The following LYRM4 variants were observed in gnomAD, a reference collection of about 807,000 sequenced individuals.
LYRM4 encodes the protein LYR motif-containing protein 4.
LYRM4 carries 9 observed loss-of-function variants against 11.7 expected under a neutral mutation model. The observed-to-expected ratio is 0.77, with a 90% CI of 0.46 to 1.34. LYRM4 has a LOEUF of 1.34. Among genes scored for constraint, LYRM4 ranks in the 40% most tolerant of loss-of-function variants. The pLI is 0.00. For synonymous variants in LYRM4, 42 were observed against 40.4 expected, an observed-to-expected ratio of 1.04 and a Z score of -0.15; for missense variants, 133 against 112.5, an observed-to-expected ratio of 1.18 and a Z score of -0.82.
chr6:5,245,156 AT>A lies in LYRM4; in HGVS notation c.86+15491del, dbSNP rs1561899220. ...TATATATATATATATATATATATATATATATATAAAATAGGTGAATTTCTGG... is the reference window on the plus strand; with the variant it reads ...TATATATATATATATATATATATATAATATATAAAATAGGTGAATTTCTGG... On this transcript the variant is annotated intron_variant, in intron 1 of 2. Coordinates refer to ENST00000330636, the MANE Select transcript of LYRM4 (RefSeq NM_020408.6). 1.4e-3 allele frequency among the ~76,000 whole-genome samples: 140 copies of A among 102,306 alleles called. 2 individuals carry two copies. Among genetic ancestry groups the A allele is most frequent in the South Asian group, 2.9e-3 (8 of 2,782 alleles). 67.1% of individuals were successfully genotyped at this position (102,306 alleles called of 152,430 possible).
At chr6:5,143,218 A>AGTGCAGTCTGATGCCGT (rs58528949) in intron 2 of LYRM4, among the ~76,000 whole-genome samples, 6 of 151,826 alleles carry the variant, frequency 4.0e-5, no homozygotes, top group Non-Finnish European at 8.8e-5. Context: ...CTTCTGTGTG[A>AGTGCAGTCTGATGCCGT]GTCAGCACAC....
chr6:5,199,398 G>A (rs1347898556), intron 2 of LYRM4, among the ~76,000 whole-genome samples: 1 of 152,152 alleles, frequency 6.6e-6, no homozygotes, highest in Non-Finnish European at 1.5e-5. Context: ...CACAGCTATA[G>A]GTATGGGGTT....
Position 5,197,058 on chromosome 6 carries a change from A to G in LYRM4, c.207+19560T>C, listed in dbSNP as rs532782395. Among the ~76,000 whole-genome samples, 20 of 152,306 alleles carry G rather than the reference A, an allele frequency of 1.3e-4. 1 individual carries two copies. In the South Asian group the frequency reaches 4.1e-3, roughly 32 times the overall value. ...AATGCTCATCAATACACATCTAACC[A>G]CTGTAACTGTGCAGAGAAATTAGGC... On this transcript the variant is annotated intron_variant, in intron 2 of 2. Coordinates refer to ENST00000330636, the MANE Select transcript of LYRM4 (RefSeq NM_020408.6).
intron 1 of LYRM4, among the ~76,000 whole-genome samples, chr6:5,217,042 T>C (rs1762312871): frequency 6.6e-6 from 1 of 152,218 alleles, no homozygotes; most frequent in Non-Finnish European, 1.5e-5. Context: ...TTTACATGGA[T>C]AATTGAACCT....
chr6:5,190,071 A>G (rs1201355519), intron 2 of LYRM4, among the ~76,000 whole-genome samples: 2 of 152,188 alleles, frequency 1.3e-5, no homozygotes, highest in Non-Finnish European at 2.9e-5. Context: ...GCACAAAGGG[A>G]TTATTTCCTC....
At chr6:5,068,396 G>GC in the LYRM4 span, among the ~76,000 whole-genome samples, 1 of 152,274 alleles carries the variant, frequency 6.6e-6, no homozygotes, top group East Asian at 1.9e-4. The surrounding 1 kb of genome is among the most constrained non-coding windows in gnomAD (Gnocchi z 4.0). Flanking sequence ...AGAGCCATGG[G>GC]CCACTGTTTA....
the LYRM4 span, among the ~76,000 whole-genome samples, chr6:5,059,833 C>T: frequency 1.3e-5 from 2 of 150,646 alleles, no homozygotes; most frequent in African/African-American, 4.9e-5. Context: ...AGGGGTCTTG[C>T]TCTGTTGCCC....
chr6:5,094,335 T>C, the LYRM4 span, among the ~76,000 whole-genome samples: 66,639 of 151,718 alleles, frequency 0.44, 16,053 homozygotes, highest in African/African-American at 0.65. Context: ...ATTTTAAAAA[T>C]TAGCCAGGCC....
At chr6:5,102,807 A>T (rs1376197842), downstream of LYRM4, 1 of 152,174 alleles carries the variant, frequency 6.6e-6, no homozygotes, top group African/African-American at 2.4e-5. Context: ...TTCCAGCTCT[A>T]TTGGTGTCAG....
the LYRM4 span, among the ~76,000 whole-genome samples, chr6:5,076,978 C>T: frequency 6.6e-6 from 1 of 152,230 alleles, no homozygotes; most frequent in Non-Finnish European, 1.5e-5. Flanking sequence ...CTTCTACTTT[C>T]TCTTGAGAAA....
At chr6:5,185,392 A>T (rs988338439) in intron 2 of LYRM4, among the ~76,000 whole-genome samples, 1 of 152,186 alleles carries the variant, frequency 6.6e-6, no homozygotes, top group Admixed American at 6.5e-5. Context: ...CTTCTGCTAG[A>T]GCATAAGCTT....
the LYRM4 span, among the ~76,000 whole-genome samples, chr6:5,061,001 C>T: frequency 5.9e-5 from 9 of 152,272 alleles, no homozygotes; most frequent in Admixed American, 3.3e-4. Context: ...ATTTAGGGGA[C>T]AGCCAGTCAG....
the LYRM4 span, among the ~76,000 whole-genome samples, chr6:5,073,128 G>A: frequency 7.9e-5 from 12 of 152,068 alleles, no homozygotes; most frequent in Admixed American, 2.0e-4. Flanking sequence ...TAATCCCAGC[G>A]CTTTGGGAGG....
chr6:5,143,496 C>A, intron 2 of LYRM4, among the ~76,000 whole-genome samples: 1 of 152,198 alleles, frequency 6.6e-6, no homozygotes, highest in South Asian at 2.1e-4. Context: ...TAAAGACAAA[C>A]CGAGTATTGT....
intron 2 of LYRM4, chr6:5,136,420 G>A (rs191395557): frequency 1.0e-6 from 1 of 984,710 alleles, no homozygotes; most frequent in East Asian, 1.1e-4. Flanking sequence ...AGAGCCTGGG[G>A]TTTGTCCCAA....
intron 2 of LYRM4, among the ~76,000 whole-genome samples, chr6:5,126,429 G>T (rs1430806536): frequency 6.6e-6 from 1 of 152,186 alleles, no homozygotes; most frequent in African/African-American, 2.4e-5. Flanking sequence ...TAACAGCCCA[G>T]AGAAATGCAT....
At chr6:5,119,985 C>T (rs1285812954) in intron 2 of LYRM4, among the ~76,000 whole-genome samples, 1 of 151,462 alleles carries the variant, frequency 6.6e-6, no homozygotes, top group East Asian at 2.0e-4. Flanking sequence ...ACCTCTGCCT[C>T]CTGGGTTCAA....
At chr6:5,214,827 C>T (rs1176389205) in intron 2 of LYRM4, among the ~76,000 whole-genome samples, 1 of 152,224 alleles carries the variant, frequency 6.6e-6, no homozygotes, top group Non-Finnish European at 1.5e-5. Flanking sequence ...CTGCTGCTGT[C>T]TAACTGGTTC....
intron 2 of LYRM4, among the ~76,000 whole-genome samples, chr6:5,154,843 T>A (rs912003440): frequency 1.4e-4 from 21 of 151,922 alleles, no homozygotes; most frequent in Non-Finnish European, 2.4e-4. Context: ...TAAATAAAAA[T>A]AAAAAAGAAA....
Sources: gnomAD v4.1 joint callset for allele counts (sites outside exome capture counted in the v4.1 genomes callset) on GRCh38, gnomAD v4.1.1 for gene constraint, Gnocchi (gnomAD v3.1) non-coding constraint, MANE v1.5 for transcripts, NCBI Gene and HGNC (gene_info 2026-07-23, HGNC 2026-07-21) for gene names.